SH3BP2: variants seen among roughly 807,000 people sequenced by gnomAD.
The protein encoded by SH3BP2 is SH3 domain binding protein 2.
SH3BP2 carries 38 observed loss-of-function variants against 56.2 expected under a neutral mutation model. The observed-to-expected ratio is 0.68, with a 90% CI of 0.52 to 0.89. The LOEUF is 0.89. Ranked by LOEUF, SH3BP2 falls within the 40% of genes least tolerant of loss-of-function variation. The pLI is 0.00. For synonymous variants in SH3BP2, 346 were observed against 316.7 expected (o/e 1.09, Z -0.98); for missense variants, 748 against 762.6 (o/e 0.98, Z 0.23).
intron 1 of SH3BP2, among the ~76,000 whole-genome samples, chr4:2,795,750 G>C (rs899428336): frequency 1.3e-5 from 2 of 152,212 alleles, no homozygotes; most frequent in Non-Finnish European, 2.9e-5. Flanking sequence ...TGGGAGACCA[G>C]TTTGACGGGA....
chr4:2,828,798 C>T lies in SH3BP2; in HGVS notation c.587-695C>T, dbSNP rs148427784. Among the ~76,000 whole-genome samples, 517 of 152,306 alleles carry T rather than the reference C, an allele frequency of 3.4e-3. 3 individuals carry two copies. Among genetic ancestry groups the T allele is most frequent in the African/African-American group, 0.012 (492 of 41,564 alleles). ...GTGGCCTCCCCATTCCCAGTTCCAG[C>T]GCTCAGTCCTGAGCCACACCAGCCT... On this transcript the variant is annotated intron_variant, in intron 7 of 12. Transcript: ENST00000503393.
intron 1 of SH3BP2, among the ~76,000 whole-genome samples, chr4:2,806,530 C>T (rs1723540876): frequency 6.6e-6 from 1 of 152,198 alleles, no homozygotes; most frequent in South Asian, 2.1e-4. Context: ...GAGAGTGGCT[C>T]CAGGCGAGCA....
At chr4:2,820,801 G>A in intron 2 of SH3BP2, 48 bp downstream of exon 2, 1 of 1,567,220 alleles carries the variant, frequency 6.4e-7, no homozygotes, top group Non-Finnish European at 8.7e-7. Context: ...CATGGGGGCA[G>A]GGCTAGCCAT....
intron 1 of SH3BP2, among the ~76,000 whole-genome samples, chr4:2,793,534 C>A (rs915059617): frequency 6.6e-6 from 1 of 151,406 alleles, no homozygotes; most frequent in African/African-American, 2.4e-5. Flanking sequence ...GTGTCCCTTG[C>A]CGGGGGCTCA....
At chr4:2,827,208 C>G in intron 5 of SH3BP2, 22 bp from the exon 6 acceptor site, 1 of 1,609,660 alleles carries the variant, frequency 6.2e-7, no homozygotes. Flanking sequence ...CACCGTCCGC[C>G]CCAACGCACC....
At chr4:2,795,683 G>A (rs886847514) in intron 1 of SH3BP2, among the ~76,000 whole-genome samples, 9 of 152,296 alleles carry the variant, frequency 5.9e-5, no homozygotes, top group African/African-American at 1.7e-4. Context: ...GATCTGAGCC[G>A]GGCGGGCAGC....
intron 6 of SH3BP2, 34 bp from the exon 7 acceptor site, chr4:2,827,572 G>C (rs776066689): frequency 1.3e-6 from 2 of 1,566,704 alleles, no homozygotes; most frequent in Middle Eastern, 3.3e-4. Flanking sequence ...GCCTGGGCCG[G>C]TTTGGCTCTC....
intron 1 of SH3BP2, among the ~76,000 whole-genome samples, chr4:2,805,816 G>A (rs548021766): frequency 6.6e-6 from 1 of 152,144 alleles, no homozygotes; most frequent in Non-Finnish European, 1.5e-5. Flanking sequence ...GGGCAAGGGC[G>A]GGGCAGAGGA....
chr4:2,829,977 C>T lies in SH3BP2; in HGVS notation c.1071C>T (p.Pro357=), dbSNP rs1187541289. 1.9e-6 allele frequency: 3 copies of T among 1,613,458 alleles called. No individual in the cohort carries two copies. The East Asian group carries it at 6.7e-5, about 36-fold the overall frequency. The change falls in exon 8 of 13, where the codon CCC becomes CCT. Residue 357 remains proline (P), a synonymous_variant. Coordinates refer to ENST00000503393, the MANE Select transcript of SH3BP2 (RefSeq NM_001122681.2). This position sits in a 1 kb window ranked among gnomAD's most constrained non-coding sequence, Gnocchi z 4.9. The part of the protein sequence containing the change: ...SEPPPVPANK[P]KFLKIAEEDP... The stretch of plus-strand genomic sequence containing the variant: ...CCCCACCTGTGCCAGCCAACAAGCC[C>T]AAGTTCCTGAAGATAGCTGAAGAGG...
At chr4:2,832,100 C>A in intron 10 of SH3BP2, 122 bp downstream of exon 10, 1 of 1,127,430 alleles carries the variant, frequency 8.9e-7, no homozygotes, top group Non-Finnish European at 1.3e-6. Context: ...CTGCGTGCAG[C>A]AGAAACCAGA....
intron 7 of SH3BP2, 60 bp downstream of exon 7, chr4:2,827,734 G>T (rs929181221): frequency 2.1e-6 from 3 of 1,405,962 alleles, no homozygotes; most frequent in Non-Finnish European, 3.0e-6. Context: ...GGCTGGGACC[G>T]GGAGCAGAGC....
Position 2,840,736 on chromosome 4 carries a change from C to A in SH3BP2, c.*6902C>A, listed in dbSNP as rs1725395268. ...AGTTTTAAAATCAGCTTGTCAATTC[C>A]AACAACAATGATGCACTTGATAGTT... On this transcript the variant is annotated 3_prime_UTR_variant, in exon 13 of 13. Transcript: ENST00000503393. The A allele has an allele frequency of 6.6e-6, 1 of 152,138 alleles. No homozygotes were observed. Among genetic ancestry groups the A allele is most frequent in the East Asian group, 1.9e-4 (1 of 5,200 alleles). The allele number at this position is 152,138 out of a possible 1,614,324, so 9.4% of individuals were successfully genotyped here.
intron 1 of SH3BP2, among the ~76,000 whole-genome samples, chr4:2,808,415 C>T (rs1017219381): frequency 3.3e-5 from 5 of 152,148 alleles, no homozygotes; most frequent in East Asian, 1.9e-4. Flanking sequence ...CAAATAAGGT[C>T]GTGTTCACAG....
chr4:2,820,130 G>C (rs940492152), intron 1 of SH3BP2, among the ~76,000 whole-genome samples: 2 of 152,216 alleles, frequency 1.3e-5, no homozygotes, highest in African/African-American at 4.8e-5. Flanking sequence ...GTCACACCAG[G>C]ATGGGAGCCC....
rs139050609 is a variant in SH3BP2, at chr4:2,829,689, G to C, written c.783G>C (p.Pro261=). The change falls in exon 8 of 13, where the codon CCG becomes CCC. Residue 261 remains proline (P), a synonymous_variant. Coordinates refer to ENST00000503393, the MANE Select transcript of SH3BP2 (RefSeq NM_001122681.2). This position sits in a 1 kb window ranked among gnomAD's most constrained non-coding sequence, Gnocchi z 4.9. ...AEDSKRDPLC[P]RRAEPCPRVP... is the part of the protein sequence containing the mutation. ...ACTCCAAGAGGGACCCACTGTGCCC[G>C]AGGCGGGCTGAGCCTTGCCCCAGGG... 1.2e-6 allele frequency: 2 copies of C among 1,612,568 alleles called. No homozygotes were observed. The highest frequency in any genetic ancestry group is 1.3e-5 in the African/African-American group (1 of 74,690).
rs757715549 is a variant in SH3BP2 at position 2,827,614 on chromosome 4, C to CACG, written c.531_533dup (p.Asp178dup). ...CCCCTCTCCCCATGCAGACTATGAG[C>CACG]ACGACGATGAGGATGACTCCTACCT... On this transcript the variant is annotated inframe_insertion, in exon 7 of 13. Coordinates refer to ENST00000503393, the MANE Select transcript of SH3BP2 (RefSeq NM_001122681.2). The CACG allele has an allele frequency of 1.3e-6, 2 of 1,596,462 alleles. No individual in the cohort carries two copies. Among genetic ancestry groups the CACG allele is most frequent in the East Asian group, 4.5e-5 (2 of 44,034 alleles).
At position 2,825,294 on chromosome 4, in the gene SH3BP2, TTCC is replaced by T. The variant is rs1651051840; in HGVS notation, c.428+99_428+101del. The stretch of plus-strand genomic sequence containing the variant: ...TCCCAGCCCCGGGCTTGGCATAGAA[TTCC>T]GTCCTTAAAGGTTTCCTGGAGGTGC... On this transcript the variant is annotated intron_variant, in intron 5 of 12. Coordinates refer to ENST00000503393, the MANE Select transcript of SH3BP2 (RefSeq NM_001122681.2). 4 of 1,026,888 alleles carry T rather than the reference TTCC, an allele frequency of 3.9e-6. No homozygotes were observed. In the Admixed American group the frequency reaches 8.0e-5, roughly 20 times the overall value. The allele number at this position is 1,026,888 out of a possible 1,614,324, so 63.6% of individuals were successfully genotyped here.
chr4:2,837,463 AG>A lies in SH3BP2; in HGVS notation c.*3632del, dbSNP rs1009857968. 2.6e-5 allele frequency: 4 copies of A among 152,206 alleles called. No individual in the cohort carries two copies. Among genetic ancestry groups the A allele is most frequent in the African/African-American group, 9.7e-5 (4 of 41,426 alleles). 9.4% of individuals were successfully genotyped at this position (152,206 alleles called of 1,614,324 possible). A position where few individuals can be genotyped will look rare whatever the true frequency, so the allele number is the denominator to read the frequency against. On this transcript the variant is annotated 3_prime_UTR_variant, in exon 13 of 13. Transcript: ENST00000503393. The stretch of plus-strand genomic sequence containing the variant: ...TGCTTCCTGCACCTCAGGATGGGCG[AG>A]GGTGGGCATTGGGGGAGAGGGGGAC...
Position 2,836,212 on chromosome 4 carries a change from C to T in SH3BP2, c.*2378C>T, listed in dbSNP as rs535988782. 2 of 152,426 alleles carry T rather than the reference C, an allele frequency of 1.3e-5. No individual in the cohort carries two copies. The highest frequency in any genetic ancestry group is 4.1e-4 in the South Asian group (2 of 4,828). 9.4% of individuals were successfully genotyped at this position (152,426 alleles called of 1,614,324 possible). On this transcript the variant is annotated 3_prime_UTR_variant, in exon 13 of 13. Transcript: ENST00000503393. ...CTCTGCACCTGCTAGCACAGCTGTCCACGTCTGTGTGAGCTGCTCTAGGCC... is the reference window on the plus strand; with the variant it reads ...CTCTGCACCTGCTAGCACAGCTGTCTACGTCTGTGTGAGCTGCTCTAGGCC...
Sources: allele counts gnomAD v4.1 joint callset (sites outside exome capture counted in the v4.1 genomes callset), GRCh38; gene constraint gnomAD v4.1.1; non-coding constraint Gnocchi (gnomAD v3.1); transcripts MANE v1.5; gene names NCBI Gene and HGNC (gene_info 2026-07-23, HGNC 2026-07-21).